The following FAM111A variants were observed in gnomAD, a reference collection of about 807,000 sequenced individuals.
The protein encoded by FAM111A is FAM111 trypsin like peptidase A, also known as serine protease FAM111A.
A neutral mutation model predicts 3.3 loss-of-function variants in FAM111A; 8 were observed. The observed-to-expected ratio is 2.39, with a 90% CI of 1.40 to 4.32. The LOEUF (loss-of-function observed/expected upper bound fraction) is 4.32. FAM111A is among the 30% of genes most tolerant of loss of function. The probability of loss-of-function intolerance (pLI) is 0.00; values close to 1 mark genes in which losing one functional copy is unlikely to be tolerated. For synonymous variants in FAM111A, 227 were observed against 243.1 expected, an observed-to-expected ratio of 0.93 and a Z score of 0.62; for missense variants, 683 against 727.6, an observed-to-expected ratio of 0.94 and a Z score of 0.71.
rs935550885 is a variant in FAM111A at position 59,153,967 on chromosome 11, C to G, written c.*463C>G. 1 of 152,318 alleles carries G rather than the reference C, an allele frequency of 6.6e-6. No individual in the cohort carries two copies. Among genetic ancestry groups the G allele is most frequent in the South Asian group, 2.1e-4 (1 of 4,836 alleles). The allele number at this position is 152,318 out of a possible 1,614,324, so 9.4% of individuals were successfully genotyped here. A position where few individuals can be genotyped will look rare whatever the true frequency, so the allele number is the denominator to read the frequency against. Reference sequence around the variant, plus strand: ...TGACCTCGTGATCCACCTGCCTCGGCCTTCCAAAGTGCTGGGATTACAAGT... The same window carrying G: ...TGACCTCGTGATCCACCTGCCTCGGGCTTCCAAAGTGCTGGGATTACAAGT... On this transcript the variant is annotated 3_prime_UTR_variant, in exon 6 of 6. Coordinates refer to ENST00000675163, the MANE Select transcript of FAM111A (RefSeq NM_001312909.2).
At position 59,152,032 on chromosome 11, in the gene FAM111A, C is replaced by T. The variant is rs1298422871; in HGVS notation, c.364C>T (p.Gln122Ter). ...QAVRKEIETH[Q>*]GQEMLVRGTE... The stretch of plus-strand genomic sequence containing the variant: ...TGTCAGAAAAGAGATAGAAACTCAC[C>T]AAGGCCAAGAAATGCTTGTGCGTGG... The change falls in exon 6 of 6, where the codon CAA (glutamine) becomes TAA (stop). Residue 122 changes from glutamine to a stop codon, truncating the protein, a stop_gained. Transcript: ENST00000675163. LOFTEE classifies it low-confidence loss of function (END_TRUNC). 22 of 1,614,044 alleles carry T rather than the reference C, an allele frequency of 1.4e-5. No individual in the cohort carries two copies. Among genetic ancestry groups the T allele is most frequent in the Non-Finnish European group, 1.8e-5 (21 of 1,180,034 alleles).
chr11:59,145,243 G>C (rs895581669), intron 3 of FAM111A: 1 of 152,306 alleles, frequency 6.6e-6, no homozygotes, highest in Non-Finnish European at 1.5e-5. Flanking sequence ...GAGAGGAAGA[G>C]GGAGAGTGAA....
chr11:59,144,841 C>A (rs1324883430), intron 3 of FAM111A: 1 of 152,496 alleles, frequency 6.6e-6, no homozygotes, highest in African/African-American at 2.4e-5. Context: ...TCCTCAAATA[C>A]GAGCGGGAAC....
Position 59,151,744 on chromosome 11 carries a change from T to G in FAM111A, c.82-6T>G. 6.4e-7 allele frequency: 1 copy of G among 1,562,054 alleles called. No individual in the cohort carries two copies. Among genetic ancestry groups the G allele is most frequent in the Non-Finnish European group, 8.6e-7 (1 of 1,159,386 alleles). Reference sequence around the variant, plus strand: ...GAGTTTTAAAGTATCTAACATTTATTTTTAGGTCTCTAAAGAGCAACAGAA... The same window carrying G: ...GAGTTTTAAAGTATCTAACATTTATGTTTAGGTCTCTAAAGAGCAACAGAA... On this transcript the variant is annotated splice_region_variant and splice_polypyrimidine_tract_variant and intron_variant, in intron 5 of 5. Coordinates refer to ENST00000675163, the MANE Select transcript of FAM111A (RefSeq NM_001312909.2).
rs1366892368 is a variant in FAM111A at position 59,154,259 on chromosome 11, A to G, written c.*755A>G. Reference sequence around the variant, plus strand: ...GTTGCAAAAGTTGGGGCTGCAATTAATGCTAACATAAGAGCTAAATGCTTG... The same window carrying G: ...GTTGCAAAAGTTGGGGCTGCAATTAGTGCTAACATAAGAGCTAAATGCTTG... On this transcript the variant is annotated 3_prime_UTR_variant, in exon 6 of 6. Transcript: ENST00000675163. 1 of 152,180 alleles carries G rather than the reference A, an allele frequency of 6.6e-6. No homozygotes were observed. The highest frequency in any genetic ancestry group is 1.9e-4 in the East Asian group (1 of 5,192). The allele number at this position is 152,180 out of a possible 1,614,324, so 9.4% of individuals were successfully genotyped here. A position where few individuals can be genotyped will look rare whatever the true frequency, so the allele number is the denominator to read the frequency against.
At chr11:59,150,475 A>G (rs969333110) in intron 5 of FAM111A, among the ~76,000 whole-genome samples, 1 of 152,176 alleles carries the variant, frequency 6.6e-6, no homozygotes, top group African/African-American at 2.4e-5. Flanking sequence ...ATACGGACCC[A>G]TATCTGCTGG....
At position 59,142,887 on chromosome 11, in the gene FAM111A, T is replaced by TTCGCTTTCGCTC. The variant is rs1860332134; in HGVS notation, c.-578_-567dup. On this transcript the variant is annotated 5_prime_UTR_variant, in exon 1 of 6. Coordinates refer to ENST00000675163, the MANE Select transcript of FAM111A (RefSeq NM_001312909.2). Reference sequence around the variant, plus strand: ...CCAGCCTACCGGCGACTAGGATGCTTTCGCTTTCGCTCTCGCTTTCCAATA... The same window carrying TTCGCTTTCGCTC: ...CCAGCCTACCGGCGACTAGGATGCTTTCGCTTTCGCTCTCGCTTTCGCTCTCGCTTTCCAATA... 1 of 151,706 alleles carries TTCGCTTTCGCTC rather than the reference T, an allele frequency of 6.6e-6. No homozygotes were observed. Among genetic ancestry groups the TTCGCTTTCGCTC allele is most frequent in the South Asian group, 2.1e-4 (1 of 4,826 alleles). The allele number at this position is 151,706 out of a possible 1,614,324, so 9.4% of individuals were successfully genotyped here. A position where few individuals can be genotyped will look rare whatever the true frequency, so the allele number is the denominator to read the frequency against.
Position 59,152,965 on chromosome 11 carries a change from A to C in FAM111A, c.1297A>C (p.Ile433Leu). The change falls in exon 6 of 6, where the codon ATA (isoleucine) becomes CTA (leucine). Residue 433 changes from isoleucine (I) to leucine (L), a missense_variant. Transcript: ENST00000675163. ...NYFFVEPWFE[I>L]HNEELDYAVL... ...CTTTTTTGTTGAACCTTGGTTTGAG[A>C]TACATAATGAAGAGCTTGACTATGC... 1 of 1,614,172 alleles carries C rather than the reference A, an allele frequency of 6.2e-7. No homozygotes were observed. Among genetic ancestry groups the C allele is most frequent in the Non-Finnish European group, 8.5e-7 (1 of 1,180,040 alleles).
chr11:59,151,499 T>A lies in FAM111A; in HGVS notation c.82-251T>A, dbSNP rs569912014. Among the ~76,000 whole-genome samples the A allele has an allele frequency of 2.8e-4, 42 of 152,110 alleles. No homozygotes were observed. The South Asian group carries it at 4.6e-3, about 17-fold the overall frequency. ...TGTTTTTGAGGCACCTGGGAAAAAA[T>A]TTTTTCTTCCCTCATATTTTTCAGA... On this transcript the variant is annotated intron_variant, in intron 5 of 5. Transcript: ENST00000675163.
At position 59,148,843 on chromosome 11, in the gene FAM111A, G is replaced by A; in HGVS notation, c.-30G>A. 1 of 1,540,592 alleles carries A rather than the reference G, an allele frequency of 6.5e-7. No individual in the cohort carries two copies. Among genetic ancestry groups the A allele is most frequent in the Non-Finnish European group, 9.0e-7 (1 of 1,113,292 alleles). On this transcript the variant is annotated 5_prime_UTR_variant, in exon 5 of 6. Transcript: ENST00000675163. Reference sequence around the variant, plus strand: ...TTGAAAATTTGAAATTAGTGTTTCAGCTGAACCATCCGTTCATCTTCAAGC... The same window carrying A: ...TTGAAAATTTGAAATTAGTGTTTCAACTGAACCATCCGTTCATCTTCAAGC...
In FAM111A at chr11:59,153,940, C is replaced by G. The variant is rs1197476276; in HGVS notation, c.*436C>G. On this transcript the variant is annotated 3_prime_UTR_variant, in exon 6 of 6. Coordinates refer to ENST00000675163, the MANE Select transcript of FAM111A (RefSeq NM_001312909.2). ...ATGTTGGTCAGGCGGGTCTCGAACT[C>G]CTGACCTCGTGATCCACCTGCCTCG... is the stretch of plus-strand genomic sequence containing the variant. The G allele has an allele frequency of 1.3e-5, 2 of 151,616 alleles. No homozygotes were observed. The highest frequency in any genetic ancestry group is 2.9e-5 in the Non-Finnish European group (2 of 68,322). 9.4% of individuals were successfully genotyped at this position (151,616 alleles called of 1,614,324 possible).
chr11:59,154,181 C>T lies in FAM111A; in HGVS notation c.*677C>T, dbSNP rs1442247228. On this transcript the variant is annotated 3_prime_UTR_variant, in exon 6 of 6. Transcript: ENST00000675163. ...CCAAAACTTGTTCATCTCATGATTC[C>T]CTACATCTGACATAAGGAAAGTAAG... 2.0e-5 allele frequency: 3 copies of T among 152,074 alleles called. No homozygotes were observed. Among genetic ancestry groups the T allele is most frequent in the African/African-American group, 7.2e-5 (3 of 41,408 alleles). The allele number at this position is 152,074 out of a possible 1,614,324, so 9.4% of individuals were successfully genotyped here. A position where few individuals can be genotyped will look rare whatever the true frequency, so the allele number is the denominator to read the frequency against.
Position 59,148,801 on chromosome 11 carries a change from G to A in FAM111A, c.-72G>A, listed in dbSNP as rs1861272270. On this transcript the variant is annotated 5_prime_UTR_variant, in exon 5 of 6. Transcript: ENST00000675163. ...CCTCTGTACAATTAATGACAGCTTT[G>A]AAGATACTGCTATAATTTGAAAATT... The A allele has an allele frequency of 5.8e-6, 6 of 1,034,346 alleles. No individual in the cohort carries two copies. The highest frequency in any genetic ancestry group is 7.6e-6 in the Non-Finnish European group (5 of 661,750). The allele number at this position is 1,034,346 out of a possible 1,614,324, so 64.1% of individuals were successfully genotyped here.
rs771011998 is a variant in FAM111A, at chr11:59,151,904, A to G, written c.236A>G (p.Tyr79Cys). ...DQTMPQNRTI[Y>C]VTLKVNHRRN... is the part of the protein sequence containing the mutation. ...ACCATGCCCCAAAATAGGACAATATATGTTACCTTGAAGGTAAACCACAGG... is the reference window on the plus strand; with the variant it reads ...ACCATGCCCCAAAATAGGACAATATGTGTTACCTTGAAGGTAAACCACAGG... The change falls in exon 6 of 6, where the codon TAT becomes TGT. Residue 79 changes from tyrosine to cysteine, a missense_variant. Physicochemically the swap from Tyr to Cys is radical, Grantham distance 194. Around this residue, in one of 3 missense-constraint regions of FAM111A, gnomAD observed 557 missense variants for 600.2 expected, o/e 0.93. Transcript: ENST00000675163. 10 of 1,614,202 alleles carry G rather than the reference A, an allele frequency of 6.2e-6. No individual in the cohort carries two copies. Among genetic ancestry groups the G allele is most frequent in the Non-Finnish European group, 5.9e-6 (7 of 1,180,038 alleles).
In FAM111A at chr11:59,151,715, T is replaced by A. The variant is rs763288881; in HGVS notation, c.82-35T>A. 4 of 1,457,340 alleles carry A rather than the reference T, an allele frequency of 2.7e-6. No homozygotes were observed. The African/African-American group carries it at 5.7e-5, about 21-fold the overall frequency. 90.3% of individuals were successfully genotyped at this position (1,457,340 alleles called of 1,614,324 possible). The stretch of plus-strand genomic sequence containing the variant: ...AGAGAAACAAAAGACTCGGGTTGCA[T>A]TCAGAGTTTTAAAGTATCTAACATT... On this transcript the variant is annotated intron_variant, in intron 5 of 5. Coordinates refer to ENST00000675163, the MANE Select transcript of FAM111A (RefSeq NM_001312909.2).
intron 5 of FAM111A, among the ~76,000 whole-genome samples, chr11:59,149,457 C>T (rs188839080): frequency 1.6e-4 from 25 of 152,068 alleles, no homozygotes; most frequent in Admixed American, 1.2e-3. Context: ...ATTTTGGGGG[C>T]GGCATGGGGA....
chr11:59,148,114 A>G (rs1408317162), intron 4 of FAM111A: 1 of 152,192 alleles, frequency 6.6e-6, no homozygotes, highest in East Asian at 1.9e-4. Context: ...TTCTAGCGGT[A>G]TTTATTACTA....
At position 59,152,502 on chromosome 11, in the gene FAM111A, T is replaced by C. The variant is rs1043079354; in HGVS notation, c.834T>C (p.Ala278=). 2 of 1,613,976 alleles carry C rather than the reference T, an allele frequency of 1.2e-6. No individual in the cohort carries two copies. Among genetic ancestry groups the C allele is most frequent in the African/African-American group, 1.3e-5 (1 of 74,920 alleles). Residue 278 remains alanine, a synonymous_variant, in exon 6 of 6, where the codon GCT becomes GCC. Coordinates refer to ENST00000675163, the MANE Select transcript of FAM111A (RefSeq NM_001312909.2). Reference sequence around the variant, plus strand: ...AAAGAATGGTCCCCAGTGCAGCAGCTTCTCAGAATCCTGAGTCAGAGAAAA... The same window carrying C: ...AAAGAATGGTCCCCAGTGCAGCAGCCTCTCAGAATCCTGAGTCAGAGAAAA... The part of the protein sequence containing the change: ...VEKRMVPSAA[A]SQNPESEKRN...
intron 3 of FAM111A, chr11:59,144,858 G>C (rs944711841): frequency 6.6e-6 from 1 of 152,436 alleles, no homozygotes; most frequent in Non-Finnish European, 1.5e-5. Flanking sequence ...GAACTGCGTT[G>C]AGCGCTGGAT....
Sources: gnomAD v4.1 joint callset for allele counts (sites outside exome capture counted in the v4.1 genomes callset) on GRCh38, gnomAD v4.1.1 for gene constraint, gnomAD v4.1.1 regional missense constraint, MANE v1.5 for transcripts, NCBI Gene and HGNC (gene_info 2026-07-23, HGNC 2026-07-21) for gene names.